The following ITGA9 variants were observed in gnomAD, a reference collection of about 807,000 sequenced individuals.
ITGA9 encodes integrin alpha-9.
In ITGA9, 56 loss-of-function variants were observed where a neutral mutation model predicts 127.8. The ratio of observed to expected loss-of-function variants is 0.44; its 90% CI spans 0.35 to 0.55. The LOEUF (loss-of-function observed/expected upper bound fraction) is 0.55. Ranked by LOEUF, ITGA9 falls within the 20% of genes least tolerant of loss-of-function variation. ITGA9 has a pLI of 0.00. For missense variants in ITGA9, 1,196 were observed against 1,347.1 expected (o/e 0.89, Z 1.76); for synonymous variants, 508 against 514.5 (o/e 0.99, Z 0.17).
intron 12 of ITGA9, 79 bp from the exon 13 acceptor site, chr3:37,525,947 C>T (rs1204012931): frequency 4.2e-6 from 5 of 1,196,564 alleles, no homozygotes; most frequent in Admixed American, 3.4e-5. Flanking sequence ...GGGTCTCCAT[C>T]CTTGTGAGCG....
At chr3:37,792,039 G>T (rs986462557) in intron 26 of ITGA9, among the ~76,000 whole-genome samples, 6 of 152,148 alleles carry the variant, frequency 3.9e-5, no homozygotes, top group African/African-American at 1.4e-4. Flanking sequence ...GAAGAGGAGG[G>T]TTGTTGAAGG....
At chr3:37,573,664 C>T (rs983814133) in intron 15 of ITGA9, among the ~76,000 whole-genome samples, 5 of 152,086 alleles carry the variant, frequency 3.3e-5, no homozygotes, top group African/African-American at 9.7e-5. Flanking sequence ...GTGAGATTTC[C>T]GAGAGAGTGC....
intron 4 of ITGA9, among the ~76,000 whole-genome samples, chr3:37,487,404 G>A (rs1170721460): frequency 1.3e-5 from 2 of 152,190 alleles, no homozygotes; most frequent in Admixed American, 6.5e-5. Flanking sequence ...GGGCTTTCCA[G>A]GTTTCCTTGG....
chr3:37,601,950 A>C (rs1029093653), intron 15 of ITGA9, among the ~76,000 whole-genome samples: 4 of 152,186 alleles, frequency 2.6e-5, no homozygotes, highest in Non-Finnish European at 5.9e-5. Context: ...CATCGTGTGG[A>C]GATCACATGG....
At chr3:37,575,222 T>C (rs1345436365) in intron 15 of ITGA9, among the ~76,000 whole-genome samples, 3 of 152,134 alleles carry the variant, frequency 2.0e-5, no homozygotes, top group Admixed American at 2.0e-4. Flanking sequence ...TAGATTGTCC[T>C]GTTTGCTGGT....
intron 15 of ITGA9, among the ~76,000 whole-genome samples, chr3:37,579,733 A>G (rs889343939): frequency 1.3e-5 from 2 of 152,170 alleles, no homozygotes; most frequent in Non-Finnish European, 2.9e-5. Flanking sequence ...TGTTTATAAT[A>G]TCTAACCCTC....
intron 15 of ITGA9, among the ~76,000 whole-genome samples, chr3:37,588,819 A>G (rs1699785544): frequency 6.6e-6 from 1 of 152,162 alleles, no homozygotes; most frequent in African/African-American, 2.4e-5. Context: ...AATCTCAGTG[A>G]TGGCTGGAGC....
In ITGA9 at chr3:37,737,724, G is replaced by A. The variant is rs149466017; in HGVS notation, c.2234+741G>A. On this transcript the variant is annotated intron_variant, in intron 20 of 27. Transcript: ENST00000264741. ...CAGGGAGACACAAGCTTTGATTGGG[G>A]TGGTGGTTGGACACCCAAGGCAACC... is the stretch of plus-strand genomic sequence containing the variant. Among the ~76,000 whole-genome samples the A allele has an allele frequency of 2.7e-3, 412 of 152,286 alleles. 3 individuals carry two copies. The highest frequency in any genetic ancestry group is 9.3e-3 in the African/African-American group (388 of 41,566).
chr3:37,470,262 G>T (rs1042808573), intron 1 of ITGA9, among the ~76,000 whole-genome samples: 1 of 151,600 alleles, frequency 6.6e-6, no homozygotes, highest in Non-Finnish European at 1.5e-5. Flanking sequence ...TCAAAGGGTA[G>T]GTGCATGTTC....
intron 7 of ITGA9, 31 bp from the exon 8 acceptor site, chr3:37,508,528 C>G: frequency 1.9e-6 from 3 of 1,560,964 alleles, no homozygotes; most frequent in Non-Finnish European, 2.6e-6. Flanking sequence ...TGATTTCATC[C>G]TAACTAGATT....
At chr3:37,708,740 CT>C (rs1445615736) in intron 18 of ITGA9, among the ~76,000 whole-genome samples, 1 of 108 alleles carries the variant, frequency 9.3e-3, no homozygotes, top group Non-Finnish European at 0.021. Context: ...TGGATTATCC[CT>C]TTTTACACAT....
intron 15 of ITGA9, among the ~76,000 whole-genome samples, chr3:37,608,809 GA>G (rs1427390118): frequency 2.0e-5 from 3 of 152,104 alleles, no homozygotes; most frequent in Non-Finnish European, 2.9e-5. Context: ...GGTTTTCTCT[GA>G]AACTTCAGAT....
At chr3:37,461,273 T>C (rs1698313786) in intron 1 of ITGA9, among the ~76,000 whole-genome samples, 1 of 152,064 alleles carries the variant, frequency 6.6e-6, no homozygotes, top group South Asian at 2.1e-4. Flanking sequence ...GCCAAGAGAG[T>C]GGGCTCCAGC....
chr3:37,510,744 T>C (rs1288095505), intron 8 of ITGA9, among the ~76,000 whole-genome samples: 1 of 152,186 alleles, frequency 6.6e-6, no homozygotes, highest in African/African-American at 2.4e-5. Context: ...CTTGGCTTCG[T>C]AGCCATTTGA....
At chr3:37,562,604 G>T (rs2555239) in intron 15 of ITGA9, among the ~76,000 whole-genome samples, 52,969 of 152,038 alleles carry the variant, frequency 0.35, 9,599 homozygotes, top group Admixed American at 0.44. Flanking sequence ...CTGTTAGCCA[G>T]TTTCCTCAAA....
At chr3:37,528,763 A>G (rs1173396693) in intron 13 of ITGA9, among the ~76,000 whole-genome samples, 2 of 152,188 alleles carry the variant, frequency 1.3e-5, no homozygotes, top group Non-Finnish European at 2.9e-5. Context: ...TTCTTTCTGT[A>G]TTAAGGTAGA....
intron 4 of ITGA9, 109 bp from the exon 5 acceptor site, chr3:37,494,392 C>A: frequency 1.3e-6 from 1 of 785,760 alleles, no homozygotes; most frequent in Non-Finnish European, 2.2e-6. Flanking sequence ...CTGGGCCCAG[C>A]CTGCCGCGGC....
At chr3:37,647,020 T>A (rs954895372) in intron 16 of ITGA9, among the ~76,000 whole-genome samples, 1 of 152,032 alleles carries the variant, frequency 6.6e-6, no homozygotes, top group African/African-American at 2.4e-5. Flanking sequence ...AAATTGGCCA[T>A]TTGCCCAAAG....
intron 11 of ITGA9, among the ~76,000 whole-genome samples, chr3:37,521,416 CG>C (rs1467075846): frequency 1.9e-4 from 29 of 152,206 alleles, no homozygotes; most frequent in Admixed American, 1.9e-3. Context: ...GAGTTTACCA[CG>C]GAGAGTGTTT....
Sources: gnomAD v4.1 joint callset for allele counts (sites outside exome capture counted in the v4.1 genomes callset) on GRCh38, gnomAD v4.1.1 for gene constraint, MANE v1.5 for transcripts, NCBI Gene and HGNC (gene_info 2026-07-23, HGNC 2026-07-21) for gene names.